Variants in METTL15 observed in about 807,000 individuals in gnomAD.
METTL15 encodes the protein methyltransferase 15, mitochondrial 12S rRNA N4-cytidine.
A neutral mutation model predicts 38.3 loss-of-function variants in METTL15; 34 were observed. The observed-to-expected ratio is 0.89, with a 90% CI of 0.68 to 1.18. The LOEUF (loss-of-function observed/expected upper bound fraction) is 1.18. Among genes scored for constraint, METTL15 ranks in the 50% most tolerant of loss-of-function variants. The probability of loss-of-function intolerance (pLI) is 0.00; values close to 1 mark genes in which losing one functional copy is unlikely to be tolerated. For synonymous variants in METTL15, 162 were observed against 170.9 expected, an observed-to-expected ratio of 0.95 and a Z score of 0.41; for missense variants, 438 against 498.4, an observed-to-expected ratio of 0.88 and a Z score of 1.15.
At chr11:28,157,183 C>A (rs1850292560) in intron 3 of METTL15, among the ~76,000 whole-genome samples, 1 of 152,170 alleles carries the variant, frequency 6.6e-6, no homozygotes, top group Admixed American at 6.5e-5. Flanking sequence ...CTACATCCAA[C>A]AAAGAGGCAC....
intron 5 of METTL15, among the ~76,000 whole-genome samples, chr11:28,420,955 C>A (rs1341969118): frequency 1.3e-5 from 2 of 151,732 alleles, no homozygotes; most frequent in Admixed American, 6.6e-5. Context: ...AAATTGACAA[C>A]CTTTTAGCCA....
At chr11:28,429,790 A>G (rs1391615732) in intron 6 of METTL15, among the ~76,000 whole-genome samples, 11 of 37,998 alleles carry the variant, frequency 2.9e-4, no homozygotes, top group East Asian at 2.2e-3. Flanking sequence ...CCGTCTGGGA[A>G]GTGAGGAGCG....
intron 3 of METTL15, among the ~76,000 whole-genome samples, chr11:28,173,432 G>C (rs988184124): frequency 6.6e-6 from 1 of 152,164 alleles, no homozygotes; most frequent in Non-Finnish European, 1.5e-5. Flanking sequence ...ATCTGCTGGA[G>C]CCTTGATCTT....
chr11:28,259,936 C>T (rs1273098987), intron 4 of METTL15, among the ~76,000 whole-genome samples: 4 of 152,160 alleles, frequency 2.6e-5, no homozygotes, highest in Non-Finnish European at 4.4e-5. Flanking sequence ...ACAAGTCCTT[C>T]TTGACTCCTC....
intron 4 of METTL15, among the ~76,000 whole-genome samples, chr11:28,251,409 C>T (rs1854737214): frequency 3.9e-5 from 6 of 152,028 alleles, no homozygotes; most frequent in Admixed American, 3.9e-4. Context: ...ACTCCAAATT[C>T]CTAAACATTT....
At chr11:28,390,978 T>A (rs1214742084) in intron 5 of METTL15, among the ~76,000 whole-genome samples, 2 of 152,208 alleles carry the variant, frequency 1.3e-5, no homozygotes, top group Admixed American at 6.5e-5. Flanking sequence ...AGTATTTTAT[T>A]CTCTTTGAAG....
chr11:28,260,239 G>C (rs978994056), intron 4 of METTL15, among the ~76,000 whole-genome samples: 1 of 152,060 alleles, frequency 6.6e-6, no homozygotes, highest in African/African-American at 2.4e-5. Flanking sequence ...CTTTTGCATA[G>C]AACGTTCTTC....
intron 6 of METTL15, among the ~76,000 whole-genome samples, chr11:28,501,210 C>T (rs770799103): frequency 6.6e-5 from 10 of 152,074 alleles, no homozygotes; most frequent in Non-Finnish European, 1.0e-4. Context: ...AGCTATGTGC[C>T]CTACTACCTT....
At chr11:28,515,397 C>A (rs1180056574) in intron 6 of METTL15, among the ~76,000 whole-genome samples, 1 of 152,176 alleles carries the variant, frequency 6.6e-6, no homozygotes, top group Non-Finnish European at 1.5e-5. Context: ...ATTCATGTAA[C>A]AAGCCAAGAC....
intron 5 of METTL15, among the ~76,000 whole-genome samples, chr11:28,393,025 G>A (rs1044847158): frequency 6.6e-6 from 1 of 152,056 alleles, no homozygotes; most frequent in Non-Finnish European, 1.5e-5. Context: ...CATAACCAGT[G>A]CTATTGGCAA....
chr11:28,190,311 AT>A (rs1348883886), intron 3 of METTL15, among the ~76,000 whole-genome samples: 1 of 151,182 alleles, frequency 6.6e-6, no homozygotes, highest in African/African-American at 2.4e-5. Flanking sequence ...ATAGAGGTCA[AT>A]TATTATTCTC....
chr11:28,127,309 A>G, intron 3 of METTL15, among the ~76,000 whole-genome samples: 1 of 152,084 alleles, frequency 6.6e-6, no homozygotes, highest in Non-Finnish European at 1.5e-5. Flanking sequence ...GACAAAGCTG[A>G]CATTTATTAA....
At chr11:28,171,579 A>G (rs1850858530) in intron 3 of METTL15, among the ~76,000 whole-genome samples, 1 of 152,176 alleles carries the variant, frequency 6.6e-6, no homozygotes, top group Non-Finnish European at 1.5e-5. Flanking sequence ...TAAACATTTT[A>G]GGTGACATTT....
intron 3 of METTL15, among the ~76,000 whole-genome samples, chr11:28,160,164 C>T (rs934770272): frequency 2.0e-5 from 3 of 151,930 alleles, no homozygotes; most frequent in Admixed American, 6.6e-5. Flanking sequence ...CTTCGGACTC[C>T]GTGTTCTTCA....
At chr11:28,392,876 C>G (rs1327246633) in intron 5 of METTL15, among the ~76,000 whole-genome samples, 1 of 151,920 alleles carries the variant, frequency 6.6e-6, no homozygotes, top group Non-Finnish European at 1.5e-5. Context: ...AGAAGATATA[C>G]AAATGGCTAA....
At chr11:28,132,893 T>C (rs1849385979) in intron 3 of METTL15, among the ~76,000 whole-genome samples, 2 of 152,176 alleles carry the variant, frequency 1.3e-5, no homozygotes, top group African/African-American at 2.4e-5. Context: ...ACTTACAAAA[T>C]TGGTGTTTGT....
chr11:28,112,775 A>G (rs1298554485), intron 2 of METTL15, among the ~76,000 whole-genome samples: 8 of 152,118 alleles, frequency 5.3e-5, no homozygotes, highest in Admixed American at 2.6e-4. Flanking sequence ...TAGACTGATT[A>G]TCTTTTTTAT....
At chr11:28,350,474 A>G (rs992876273) in intron 3 of METTL15, among the ~76,000 whole-genome samples, 2 of 152,236 alleles carry the variant, frequency 1.3e-5, no homozygotes, top group Non-Finnish European at 2.9e-5. Flanking sequence ...CATGTTAACT[A>G]CTGAATCAAT....
At chr11:28,368,168 GA>G (rs1174001399) in intron 5 of METTL15, among the ~76,000 whole-genome samples, 4 of 104,756 alleles carry the variant, frequency 3.8e-5, no homozygotes, top group South Asian at 3.2e-4. Context: ...AAAAAACAAA[GA>G]AAAAAACAGA....
Sources: allele counts gnomAD v4.1 joint callset (sites outside exome capture counted in the v4.1 genomes callset), GRCh38; gene constraint gnomAD v4.1.1; transcripts MANE v1.5; gene names NCBI Gene and HGNC (gene_info 2026-07-23, HGNC 2026-07-21).